Variants in CNOT7 observed in about 807,000 individuals in gnomAD.
CNOT7 encodes CCR4-NOT transcription complex subunit 7.
CNOT7 carries 4 observed loss-of-function variants against 37.1 expected under a neutral mutation model. The ratio of observed to expected loss-of-function variants is 0.11; its 90% CI spans 0.05 to 0.25. The LOEUF (loss-of-function observed/expected upper bound fraction) is 0.25. Ranked by LOEUF, CNOT7 falls within the 10% of genes least tolerant of loss-of-function variation. The pLI, the probability that CNOT7 is intolerant of heterozygous loss-of-function variation, is 1.00. For missense variants in CNOT7, 170 were observed against 336.2 expected (o/e 0.51, Z 3.87); for synonymous variants, 128 against 115.6 (o/e 1.11, Z -0.69).
rs1808273570 is a variant in CNOT7 at position 17,228,053 on chromosome 8, C to CT, written c.*2666dup. On this transcript the variant is annotated 3_prime_UTR_variant, in exon 7 of 7. Coordinates refer to ENST00000361272, the MANE Select transcript of CNOT7 (RefSeq NM_013354.7). ...ATAGATAATATGTAAATTAGTGTGG[C>CT]TGCATTCCAATAAAAACTTATAGAC... is the stretch of plus-strand genomic sequence containing the variant. 1 of 151,910 alleles carries CT rather than the reference C, an allele frequency of 6.6e-6. No homozygotes were observed. The allele number at this position is 151,910 out of a possible 1,614,324, so 9.4% of individuals were successfully genotyped here. A position where few individuals can be genotyped will look rare whatever the true frequency, so the allele number is the denominator to read the frequency against.
At chr8:17,237,855 G>A (rs1163628508) in intron 3 of CNOT7, among the ~76,000 whole-genome samples, 1 of 152,246 alleles carries the variant, frequency 6.6e-6, no homozygotes, top group African/African-American at 2.4e-5. Flanking sequence ...GTCTCATGCG[G>A]ATGAGTTAAA....
chr8:17,239,336 G>A (rs1426539406), intron 3 of CNOT7, among the ~76,000 whole-genome samples: 1 of 152,088 alleles, frequency 6.6e-6, no homozygotes, highest in Non-Finnish European at 1.5e-5. Flanking sequence ...GGGATTACAG[G>A]AATGGGCTAC....
chr8:17,238,209 C>T (rs182439955), intron 3 of CNOT7, among the ~76,000 whole-genome samples: 10 of 152,142 alleles, frequency 6.6e-5, no homozygotes, highest in African/African-American at 1.4e-4. Context: ...TTTGAGAATA[C>T]GTGAAAAAGT....
intron 1 of CNOT7, 56 bp from the exon 2 acceptor site, chr8:17,245,303 A>G: frequency 1.3e-6 from 1 of 750,192 alleles, no homozygotes; most frequent in Admixed American, 3.8e-5. Context: ...GAATCACAGA[A>G]TAATTGATCC....
At chr8:17,232,374 T>C (rs1458943418) in intron 6 of CNOT7, 53 bp downstream of exon 6, 4 of 1,611,292 alleles carry the variant, frequency 2.5e-6, no homozygotes, top group Admixed American at 3.4e-5. Context: ...ACAAGATTTT[T>C]AATGTTCTCA....
chr8:17,225,038 T>C lies in CNOT7; in HGVS notation c.*5682A>G, dbSNP rs553343658. 1 of 151,832 alleles carries C rather than the reference T, an allele frequency of 6.6e-6. No individual in the cohort carries two copies. The highest frequency in any genetic ancestry group is 1.9e-4 in the East Asian group (1 of 5,182). 9.4% of individuals were successfully genotyped at this position (151,832 alleles called of 1,614,324 possible). On this transcript the variant is annotated 3_prime_UTR_variant, in exon 7 of 7. Transcript: ENST00000361272. The stretch of plus-strand genomic sequence containing the variant: ...AGACACCTGCTCACAACTTACAGTA[T>C]TAATTTTTTAGAAAAACAAAACAGG...
chr8:17,238,609 C>G (rs1028947213), intron 3 of CNOT7, among the ~76,000 whole-genome samples: 1 of 151,638 alleles, frequency 6.6e-6, no homozygotes, highest in Non-Finnish European at 1.5e-5. Context: ...AGTGCTCACA[C>G]TGAGGCATGC....
At chr8:17,231,829 G>A (rs1375012300) in intron 6 of CNOT7, 1 of 985,582 alleles carries the variant, frequency 1.0e-6, no homozygotes, top group Non-Finnish European at 1.2e-6. Context: ...CGTTTAAGGA[G>A]GGTTTTCCTA....
intron 2 of CNOT7, chr8:17,244,553 C>G (rs913310757): frequency 6.5e-6 from 1 of 152,752 alleles, no homozygotes; most frequent in African/African-American, 2.4e-5. Flanking sequence ...TGAACAAGGA[C>G]AAAAAAATAA....
At chr8:17,239,783 A>G (rs536787503) in intron 3 of CNOT7, among the ~76,000 whole-genome samples, 43 of 152,316 alleles carry the variant, frequency 2.8e-4, no homozygotes, top group African/African-American at 9.1e-4. Context: ...GTGAGCCACC[A>G]CGCCCAGCCT....
At chr8:17,241,993 T>C (rs1335362947) in intron 3 of CNOT7, 1 of 152,242 alleles carries the variant, frequency 6.6e-6, no homozygotes. Context: ...GGGCACAATG[T>C]GGGAACCAAC....
At chr8:17,232,595 C>G in intron 5 of CNOT7, 58 bp from the exon 6 acceptor site, 1 of 1,479,842 alleles carries the variant, frequency 6.8e-7, no homozygotes, top group Non-Finnish European at 9.3e-7. Context: ...CCTAAATTCA[C>G]AAATTATAAA....
chr8:17,243,977 G>T (rs571763029), intron 2 of CNOT7, among the ~76,000 whole-genome samples: 9 of 152,082 alleles, frequency 5.9e-5, no homozygotes, highest in South Asian at 2.1e-4. Context: ...TTTAGTATTA[G>T]AATTCAAACT....
chr8:17,237,132 T>G, intron 4 of CNOT7, 80 bp downstream of exon 4: 1 of 1,371,524 alleles, frequency 7.3e-7, no homozygotes, highest in African/African-American at 1.4e-5. Flanking sequence ...AACCTGAAAT[T>G]GCTAACATAG....
chr8:17,241,501 G>C (rs956687580), intron 3 of CNOT7: 5 of 152,234 alleles, frequency 3.3e-5, no homozygotes, highest in African/African-American at 9.6e-5. Flanking sequence ...TCGTAAAATT[G>C]TGTATACTAA....
rs1012969245 is a variant in CNOT7, at chr8:17,227,865, A to G, written c.*2855T>C. The G allele has an allele frequency of 6.6e-6, 1 of 151,922 alleles. No homozygotes were observed. The highest frequency in any genetic ancestry group is 1.5e-5 in the Non-Finnish European group (1 of 67,810). The allele number at this position is 151,922 out of a possible 1,614,324, so 9.4% of individuals were successfully genotyped here. ...ATACAGGGCATGAACTGGTAGCAGA[A>G]AAAGTAATAAATCTAGCAATACACA... is the stretch of plus-strand genomic sequence containing the variant. On this transcript the variant is annotated 3_prime_UTR_variant, in exon 7 of 7. Transcript: ENST00000361272.
intron 3 of CNOT7, chr8:17,241,877 T>C (rs1810212412): frequency 6.6e-6 from 1 of 152,332 alleles, no homozygotes; most frequent in South Asian, 2.1e-4. Flanking sequence ...ATGAAATAAA[T>C]GTGAGCTATA....
chr8:17,234,910 A>G, intron 4 of CNOT7, 50 bp from the exon 5 acceptor site: 1 of 1,525,682 alleles, frequency 6.6e-7, no homozygotes, highest in African/African-American at 1.4e-5. Flanking sequence ...AATACTATAA[A>G]GATTAAAAAA....
chr8:17,237,891 T>G (rs545534955), intron 3 of CNOT7, among the ~76,000 whole-genome samples: 3 of 152,264 alleles, frequency 2.0e-5, no homozygotes, highest in Non-Finnish European at 4.4e-5. Flanking sequence ...AAGAAGGAGA[T>G]GCCTCCTTTC....
Sources: allele counts gnomAD v4.1 joint callset (sites outside exome capture counted in the v4.1 genomes callset), GRCh38; gene constraint gnomAD v4.1.1; transcripts MANE v1.5; gene names NCBI Gene and HGNC (gene_info 2026-07-23, HGNC 2026-07-21).